The following ANKRD24 variants were observed in gnomAD, a reference collection of about 807,000 sequenced individuals.
ANKRD24 encodes the protein ankyrin repeat domain 24.
In ANKRD24, 109 loss-of-function variants were observed where a neutral mutation model predicts 127.8. The observed-to-expected ratio is 0.85, with a 90% CI of 0.73 to 1.00. ANKRD24 has a LOEUF of 1.00. Ranked by LOEUF, ANKRD24 falls within the 50% of genes least tolerant of loss-of-function variation. The pLI is 0.00. For missense variants in ANKRD24, 1,648 were observed against 1,570.2 expected (o/e 1.05, Z -0.84); for synonymous variants, 743 against 671.1 (o/e 1.11, Z -1.66).
chr19:4,210,892 G>A (rs1485087529), intron 13 of ANKRD24, among the ~76,000 whole-genome samples: 1 of 151,590 alleles, frequency 6.6e-6, no homozygotes, highest in African/African-American at 2.4e-5. Flanking sequence ...AGAATGCAAT[G>A]GTACGATCTC....
intron 15 of ANKRD24, among the ~76,000 whole-genome samples, chr19:4,213,448 C>G (rs529902665): frequency 1.4e-5 from 2 of 142,192 alleles, no homozygotes; most frequent in South Asian, 4.5e-4. Flanking sequence ...TTCCTTCTAT[C>G]CTTCCTTCTT....
At chr19:4,207,105 TAGAGACAGGGTCTCACTG>T in intron 7 of ANKRD24, 119 bp from the exon 8 acceptor site, 3 of 457,542 alleles carry the variant, frequency 6.6e-6, no homozygotes, top group Non-Finnish European at 1.1e-5. Flanking sequence ...TTTTTTTTTG[TAGAGACAGGGTCTCACTG>T]TGTTGGCCCA....
chr19:4,214,828 T>A (rs990462369), intron 15 of ANKRD24, among the ~76,000 whole-genome samples: 1 of 152,154 alleles, frequency 6.6e-6, no homozygotes, highest in African/African-American at 2.4e-5. Context: ...CACTCCAGCC[T>A]GGGCGACAGA....
intron 1 of ANKRD24, among the ~76,000 whole-genome samples, chr19:4,183,774 G>A (rs1967881023): frequency 6.6e-6 from 1 of 152,118 alleles, no homozygotes; most frequent in African/African-American, 2.4e-5. Flanking sequence ...TTAGCTGGGT[G>A]TGGTGGCCTG....
At position 4,195,248 on chromosome 19, in the gene ANKRD24, A is replaced by G. The variant is rs1281359623; in HGVS notation, c.37-4435A>G. ...CCACCACGCCCGGCTAATTTTTTGT[A>G]TTTTTAGTAGAGACGGGGTTTTGCC... On this transcript the variant is annotated intron_variant, in intron 2 of 21. Coordinates refer to ENST00000318934, the MANE Select transcript of ANKRD24 (RefSeq NM_001393985.1). The surrounding 1 kb of genome is among the most constrained non-coding windows in gnomAD (Gnocchi z 4.2). Among the ~76,000 whole-genome samples the G allele has an allele frequency of 2.6e-5, 4 of 151,726 alleles. No homozygotes were observed. Among genetic ancestry groups the G allele is most frequent in the Admixed American group, 6.6e-5 (1 of 15,214 alleles).
rs1246296832 is a variant in ANKRD24 at position 4,198,345 on chromosome 19, A to AGGGCGGGACC, written c.37-1330_37-1321dup. 9 of 18,956 alleles carry AGGGCGGGACC rather than the reference A, an allele frequency of 4.7e-4. No homozygotes were observed. Among genetic ancestry groups the AGGGCGGGACC allele is most frequent in the Admixed American group, 1.2e-3 (1 of 868 alleles). 1.2% of individuals were successfully genotyped at this position (18,956 alleles called of 1,614,324 possible). On this transcript the variant is annotated intron_variant, in intron 2 of 21. Transcript: ENST00000318934. This position sits in a 1 kb window ranked among gnomAD's most constrained non-coding sequence, Gnocchi z 6.1. ...CAAGGGGGAGGGGGCGGCACCAGGG[A>AGGGCGGGACC]GGGCGGGACCGGGCGGGCGGGCGGG...
chr19:4,213,118 G>A (rs529891392), intron 15 of ANKRD24, among the ~76,000 whole-genome samples: 1 of 152,206 alleles, frequency 6.6e-6, no homozygotes, highest in South Asian at 2.1e-4. Flanking sequence ...GTGACAGAGC[G>A]AGACTCAGTC....
intron 15 of ANKRD24, among the ~76,000 whole-genome samples, chr19:4,215,465 CAAA>C (rs61437900): frequency 3.7e-4 from 43 of 116,842 alleles, no homozygotes; most frequent in Middle Eastern, 4.3e-3. Flanking sequence ...AGCCTGGGGG[CAAA>C]AAAAAAAAAA....
intron 20 of ANKRD24, among the ~76,000 whole-genome samples, chr19:4,223,749 A>G (rs1321004281): frequency 6.6e-6 from 1 of 151,968 alleles, no homozygotes; most frequent in Non-Finnish European, 1.5e-5. Context: ...TACTTTTAGT[A>G]AAGACGGGGT....
chr19:4,210,245 C>T lies in ANKRD24; in HGVS notation c.952-20C>T, dbSNP rs377177859. On this transcript the variant is annotated intron_variant, in intron 12 of 21. Transcript: ENST00000318934. ...GCAACCTTAGGCCCCATCTAAAGGC[C>T]GTGGTGGGGAGGGGAACAGGATGAT... The T allele has an allele frequency of 1.2e-4, 181 of 1,567,308 alleles. No individual in the cohort carries two copies. The highest frequency in any genetic ancestry group is 6.3e-4 in the Admixed American group (33 of 52,288).
At chr19:4,219,968 A>G (rs1218649713) in intron 19 of ANKRD24, among the ~76,000 whole-genome samples, 1 of 152,092 alleles carries the variant, frequency 6.6e-6, no homozygotes, top group Non-Finnish European at 1.5e-5. Flanking sequence ...AATTATAACC[A>G]CAGTTACATT....
chr19:4,224,717 G>T lies in ANKRD24; in HGVS notation c.*212G>T. On this transcript the variant is annotated 3_prime_UTR_variant, in exon 22 of 22. Transcript: ENST00000318934. ...GCACACACTGGTCAGTCTGGACCCG[G>T]GCCGTGACTGCCCCTCCCCCACCAC... 1.7e-6 allele frequency: 1 copy of T among 581,376 alleles called. No homozygotes were observed. Among genetic ancestry groups the T allele is most frequent in the Non-Finnish European group, 3.1e-6 (1 of 325,578 alleles). The allele number at this position is 581,376 out of a possible 1,614,324, so 36.0% of individuals were successfully genotyped here.
chr19:4,199,956 G>T lies in ANKRD24; in HGVS notation c.205G>T (p.Ala69Ser), dbSNP rs537651280. 11 of 1,564,192 alleles carry T rather than the reference G, an allele frequency of 7.0e-6. No homozygotes were observed. The East Asian group carries it at 2.2e-4, about 31-fold the overall frequency. The change falls in exon 4 of 22, where the codon GCC (alanine) becomes TCC (serine). Residue 69 changes from alanine (A) to serine (S), a missense_variant. Ala to Ser is a moderately conservative substitution (Grantham distance 99). Transcript: ENST00000318934. The surrounding 1 kb of genome is among the most constrained non-coding windows in gnomAD (Gnocchi z 5.2). ...NDAPRVAALI[A>S]RKGLVPTKLD... is the part of the protein sequence containing the mutation. ...TGCACCTCGGGTGGCCGCCCTCATC[G>T]CCCGCAAGGGGCTGGTGCCCACGAA...
In ANKRD24 at chr19:4,212,584, C is replaced by G. The variant is rs765859302; in HGVS notation, c.1099-16C>G. 1.3e-6 allele frequency: 2 copies of G among 1,550,024 alleles called. No homozygotes were observed. The highest frequency in any genetic ancestry group is 2.0e-5 in the Admixed American group (1 of 50,866). On this transcript the variant is annotated splice_polypyrimidine_tract_variant and intron_variant, in intron 14 of 21. Coordinates refer to ENST00000318934, the MANE Select transcript of ANKRD24 (RefSeq NM_001393985.1). ...TTTCCTCCCAGAGGCAGCTGAGCCT[C>G]CACTGCTGCTCCCAGGTGCAAGAGC...
intron 8 of ANKRD24, 64 bp downstream of exon 8, chr19:4,207,376 G>C (rs1445769117): frequency 1.3e-6 from 2 of 1,587,054 alleles, no homozygotes; most frequent in Non-Finnish European, 1.7e-6. Context: ...CCAAGTGGCA[G>C]TATCTCAGGC....
intron 11 of ANKRD24, among the ~76,000 whole-genome samples, chr19:4,209,417 G>GTTT (rs368782082): frequency 7.0e-6 from 1 of 143,020 alleles, no homozygotes; most frequent in Non-Finnish European, 1.5e-5. Context: ...CCCTCTCCTA[G>GTTT]TTTTTTTTTT....
rs752363767 is a variant in ANKRD24, at chr19:4,199,898, C to G, written c.147C>G (p.Asp49Glu). 3.8e-6 allele frequency: 6 copies of G among 1,570,256 alleles called. No homozygotes were observed. In the South Asian group the frequency reaches 7.0e-5, roughly 18 times the overall value. Residue 49 changes from aspartate to glutamate, a missense_variant, in exon 4 of 22, where the codon GAC (aspartate) becomes GAG (glutamate). Transcript: ENST00000318934. This position sits in a 1 kb window ranked among gnomAD's most constrained non-coding sequence, Gnocchi z 5.2. ...AGAGTCAAGACTGGGGCAAGAGTGACGAGAGGCTGCTACAAGCCGTGGAAA... is the reference window on the plus strand; with the variant it reads ...AGAGTCAAGACTGGGGCAAGAGTGAGGAGAGGCTGCTACAAGCCGTGGAAA... The part of the protein sequence containing the change: ...RRQSQDWGKS[D>E]ERLLQAVENN...
chr19:4,216,466 G>T, intron 17 of ANKRD24, 64 bp downstream of exon 17: 1 of 1,555,048 alleles, frequency 6.4e-7, no homozygotes, highest in Non-Finnish European at 8.7e-7. Context: ...GGTCAGGGTG[G>T]GCAGGGAAGG....
At chr19:4,222,576 G>T in intron 19 of ANKRD24, 94 bp from the exon 20 acceptor site, 1 of 1,380,842 alleles carries the variant, frequency 7.2e-7, no homozygotes. Context: ...TCCCTTGAAA[G>T]CCTTTATCCC....
Sources: gnomAD v4.1 joint callset for allele counts (sites outside exome capture counted in the v4.1 genomes callset) on GRCh38, gnomAD v4.1.1 for gene constraint, Gnocchi (gnomAD v3.1) non-coding constraint, MANE v1.5 for transcripts, NCBI Gene and HGNC (gene_info 2026-07-23, HGNC 2026-07-21) for gene names.